MTNAP1: variants seen among roughly 807,000 people sequenced by gnomAD.
MTNAP1 encodes the protein mitochondrial nucleoid associated protein 1.
At chr17:73,245,277 T>G in the MTNAP1 span, 1 of 1,521,142 alleles carries the variant, frequency 6.6e-7, no homozygotes, top group South Asian at 1.3e-5. Flanking sequence ...AGTTTAAAAA[T>G]GTATAATATT....
the MTNAP1 span, among the ~76,000 whole-genome samples, chr17:73,238,289 AAAGTAGCATACCTGTCG>A: frequency 2.6e-5 from 4 of 152,030 alleles, no homozygotes; most frequent in East Asian, 1.9e-4. Context: ...TGTCGTTTGT[AAAGTAGCATACCTGTCG>A]TGTGTAGTGG....
chr17:73,247,375 TTC>T, the MTNAP1 span: 1 of 1,607,538 alleles, frequency 6.2e-7, no homozygotes, highest in Non-Finnish European at 8.5e-7. Context: ...CCTTCGTGAC[TTC>T]TCTCTAGTGC....
At chr17:73,234,681 C>CA in the MTNAP1 span, among the ~76,000 whole-genome samples, 5,183 of 97,910 alleles carry the variant, frequency 0.053, 211 homozygotes, top group Middle Eastern at 0.075. Flanking sequence ...GACTCTGTCT[C>CA]AAAAAAAAAA....
the MTNAP1 span, chr17:73,245,248 A>T: frequency 4.4e-6 from 7 of 1,605,072 alleles, no homozygotes; most frequent in African/African-American, 9.4e-5. Context: ...AGTGGAGACG[A>T]CTGCAATACA....
chr17:73,242,774 T>C, the MTNAP1 span: 4 of 679,390 alleles, frequency 5.9e-6, no homozygotes, highest in African/African-American at 3.6e-5. Context: ...TTAAAATATG[T>C]GCGTGTAAAT....
At chr17:73,234,164 C>T in the MTNAP1 span, among the ~76,000 whole-genome samples, 1 of 152,072 alleles carries the variant, frequency 6.6e-6, no homozygotes, top group African/African-American at 2.4e-5. Context: ...TTTTTACATA[C>T]AGCTGTGTGC....
chr17:73,235,099 G>A, the MTNAP1 span, among the ~76,000 whole-genome samples: 1 of 141,636 alleles, frequency 7.1e-6, no homozygotes, highest in Admixed American at 7.2e-5. Context: ...GCATGCCCCT[G>A]TAGTCCCAAC....
At chr17:73,236,602 CAA>C in the MTNAP1 span, 7 of 1,614,064 alleles carry the variant, frequency 4.3e-6, no homozygotes, top group Non-Finnish European at 5.9e-6. Context: ...GTCAAGTAGT[CAA>C]AGTCTTGCCT....
the MTNAP1 span, among the ~76,000 whole-genome samples, chr17:73,245,934 C>T: frequency 6.6e-6 from 1 of 152,012 alleles, no homozygotes; most frequent in African/African-American, 2.4e-5. Flanking sequence ...TGAGAAATTC[C>T]TCTCCATTTG....
the MTNAP1 span, among the ~76,000 whole-genome samples, chr17:73,235,133 T>C: frequency 6.6e-6 from 1 of 151,736 alleles, no homozygotes; most frequent in Non-Finnish European, 1.5e-5. Context: ...GAGACGAGAA[T>C]TGCTTGAACC....
chr17:73,243,596 T>C, the MTNAP1 span, among the ~76,000 whole-genome samples: 1 of 150,908 alleles, frequency 6.6e-6, no homozygotes, highest in African/African-American at 2.4e-5. Flanking sequence ...TGGCATGATC[T>C]CAGCTCACTG....
chr17:73,236,907 A>T, the MTNAP1 span: 44 of 1,613,926 alleles, frequency 2.7e-5, no homozygotes, highest in Non-Finnish European at 3.6e-5. Context: ...ACCTTGGACT[A>T]GGGGTGTTGC....
chr17:73,246,301 A>G, the MTNAP1 span, among the ~76,000 whole-genome samples: 1 of 152,260 alleles, frequency 6.6e-6, no homozygotes, highest in South Asian at 2.1e-4. Flanking sequence ...TGGTAGGCCA[A>G]GGCGGGCGGA....
the MTNAP1 span, chr17:73,232,464 G>A: frequency 4.8e-5 from 35 of 734,968 alleles, no homozygotes; most frequent in Non-Finnish European, 6.7e-5. Context: ...TGGCAGAAGC[G>A]CTCGCCTGTT....
chr17:73,236,515 G>T, the MTNAP1 span: 1 of 1,614,220 alleles, frequency 6.2e-7, no homozygotes, highest in Non-Finnish European at 8.5e-7. Flanking sequence ...CACAGGAAAG[G>T]AGTCTCAAGG....
chr17:73,244,273 T>C, the MTNAP1 span, among the ~76,000 whole-genome samples: 1 of 152,024 alleles, frequency 6.6e-6, no homozygotes, highest in Non-Finnish European at 1.5e-5. Context: ...CAAAAACCAG[T>C]ATTTTGGGGC....
chr17:73,235,867 A>T, the MTNAP1 span: 20 of 1,613,996 alleles, frequency 1.2e-5, no homozygotes, highest in African/African-American at 2.1e-4. Context: ...TACTAAACCA[A>T]TGACTACTTT....
At chr17:73,235,597 C>G in the MTNAP1 span, 1 of 1,614,048 alleles carries the variant, frequency 6.2e-7, no homozygotes, top group Non-Finnish European at 8.5e-7. Context: ...ACCTACTGAT[C>G]AAAAAGTTTA....
the MTNAP1 span, chr17:73,245,561 A>G: frequency 3.0e-6 from 3 of 985,450 alleles, no homozygotes; most frequent in Admixed American, 6.1e-5. Flanking sequence ...CCATTCAGCT[A>G]TATGAGATAC....
Sources: allele counts gnomAD v4.1 joint callset (sites outside exome capture counted in the v4.1 genomes callset), GRCh38; gene constraint gnomAD v4.1.1; transcripts MANE v1.5; gene names NCBI Gene and HGNC (gene_info 2026-07-23, HGNC 2026-07-21).